Variants in HS3ST4 observed in about 807,000 individuals in gnomAD.
The protein encoded by HS3ST4 is heparan sulfate glucosamine 3-O-sulfotransferase 4.
HS3ST4 carries 17 observed loss-of-function variants against 29.2 expected under a neutral mutation model. That is an observed-to-expected ratio of 0.58 (90% confidence interval 0.40 to 0.87). The LOEUF (loss-of-function observed/expected upper bound fraction) is 0.87. Among genes scored for constraint, HS3ST4 ranks in the 40% least tolerant of loss-of-function variants. The pLI is 0.00. For missense variants in HS3ST4, 627 were observed against 634.5 expected (o/e 0.99, Z 0.13); for synonymous variants, 314 against 285.7 (o/e 1.10, Z -1.00).
chr16:26,101,098 C>A lies in HS3ST4; in HGVS notation c.735-34514C>A, dbSNP rs891036557. 3.0e-4 allele frequency among the ~76,000 whole-genome samples: 46 copies of A among 152,298 alleles called. 1 individual carries two copies. Among genetic ancestry groups the A allele is most frequent in the African/African-American group, 2.6e-4 (11 of 41,578 alleles). The stretch of plus-strand genomic sequence containing the variant: ...CGTTTACTCCAGTTGGTGTCTCCAA[C>A]CTTCTTGCTCCTCTTCACTTTTCTG... On this transcript the variant is annotated intron_variant, in intron 1 of 1. Transcript: ENST00000331351.
At chr16:26,032,539 T>C in intron 1 of HS3ST4, 7 of 1,436,478 alleles carry the variant, frequency 4.9e-6, no homozygotes, top group Non-Finnish European at 6.8e-6. Context: ...TGCACACACT[T>C]CACTTGGCAT....
At chr16:25,823,900 T>G (rs1967189423) in intron 1 of HS3ST4, among the ~76,000 whole-genome samples, 6 of 152,234 alleles carry the variant, frequency 3.9e-5, no homozygotes, top group Admixed American at 3.9e-4. Context: ...TCTTATTTTT[T>G]GCCTTATTTT....
chr16:26,074,619 A>G (rs999398815), intron 1 of HS3ST4, among the ~76,000 whole-genome samples: 1 of 152,084 alleles, frequency 6.6e-6, no homozygotes, highest in African/African-American at 2.4e-5. Flanking sequence ...CCTATAATAC[A>G]TTGTTTATTT....
chr16:25,929,619 G>A lies in HS3ST4; in HGVS notation c.735-205993G>A, dbSNP rs552550624. Among the ~76,000 whole-genome samples, 4 of 152,180 alleles carry A rather than the reference G, an allele frequency of 2.6e-5. No individual in the cohort carries two copies. The South Asian group carries it at 6.2e-4, about 24-fold the overall frequency. ...AGACCACACCTCTAAGGTGATTTGG[G>A]CTCTACTCTGTGGACGCATTTGGAG... On this transcript the variant is annotated intron_variant, in intron 1 of 1. Transcript: ENST00000331351.
rs367602575 is a variant in HS3ST4, at chr16:26,017,470, G to A, written c.735-118142G>A. On this transcript the variant is annotated intron_variant, in intron 1 of 1. Transcript: ENST00000331351. ...AAGCAATGAGCTAGGAAAAAAATTG[G>A]CCAGTTTGCAGTCAGAAATGAAAGA... Among the ~76,000 whole-genome samples, 216 of 152,278 alleles carry A rather than the reference G, an allele frequency of 1.4e-3. 2 individuals carry two copies. Among genetic ancestry groups the A allele is most frequent in the South Asian group, 0.01 (50 of 4,824 alleles).
chr16:26,112,162 A>G (rs1899140410), intron 1 of HS3ST4, among the ~76,000 whole-genome samples: 1 of 152,108 alleles, frequency 6.6e-6, no homozygotes, highest in Non-Finnish European at 1.5e-5. Flanking sequence ...ATGGAAGCTC[A>G]TATGTGAATC....
intron 1 of HS3ST4, among the ~76,000 whole-genome samples, chr16:26,128,638 T>C (rs1899377245): frequency 6.6e-6 from 1 of 152,248 alleles, no homozygotes; most frequent in Admixed American, 6.5e-5. Flanking sequence ...AAAAACACAA[T>C]GAACTTTCCA....
intron 1 of HS3ST4, among the ~76,000 whole-genome samples, chr16:26,031,061 G>T (rs1206858863): frequency 4.6e-5 from 7 of 152,222 alleles, no homozygotes; most frequent in Admixed American, 3.3e-4. Context: ...AGTACCTAGT[G>T]TGGCGATGAG....
At chr16:26,074,784 A>AACTACCATG (rs920458846) in intron 1 of HS3ST4, among the ~76,000 whole-genome samples, 1 of 152,138 alleles carries the variant, frequency 6.6e-6, no homozygotes, top group Admixed American at 6.6e-5. Context: ...GCTTTCCTGT[A>AACTACCATG]ACTACCATGT....
At chr16:25,972,475 C>T (rs1355995045) in intron 1 of HS3ST4, among the ~76,000 whole-genome samples, 2 of 152,168 alleles carry the variant, frequency 1.3e-5, no homozygotes, top group Non-Finnish European at 2.9e-5. Flanking sequence ...TCAAGATTCC[C>T]TTCCTTGTGG....
intron 1 of HS3ST4, among the ~76,000 whole-genome samples, chr16:26,128,057 A>G (rs1410405070): frequency 6.6e-6 from 1 of 151,430 alleles, no homozygotes; most frequent in African/African-American, 2.4e-5. Context: ...AGTCTCCTTC[A>G]TCTTTCATCC....
chr16:25,948,757 A>T (rs931598493), intron 1 of HS3ST4, among the ~76,000 whole-genome samples: 2 of 152,282 alleles, frequency 1.3e-5, no homozygotes, highest in Admixed American at 1.3e-4. Context: ...AGTCATCATC[A>T]TGGTACCTAC....
chr16:26,049,161 T>G (rs1006342260), intron 1 of HS3ST4, among the ~76,000 whole-genome samples: 1 of 152,074 alleles, frequency 6.6e-6, no homozygotes, highest in African/African-American at 2.4e-5. Context: ...CTAAAGGTAG[T>G]CATGTGTTTA....
intron 1 of HS3ST4, among the ~76,000 whole-genome samples, chr16:25,807,607 G>A (rs1368823743): frequency 1.3e-5 from 2 of 152,180 alleles, no homozygotes; most frequent in East Asian, 3.9e-4. Flanking sequence ...AAATAAGGCT[G>A]CTGTGAAACT....
In HS3ST4 at chr16:25,706,459, C is replaced by T. The variant is rs189104607; in HGVS notation, c.734+13308C>T. The stretch of plus-strand genomic sequence containing the variant: ...GAACATGTGCCATGGTGGTTTGCTG[C>T]ACCTATCAACCCGTCATCTAGGTTT... On this transcript the variant is annotated intron_variant, in intron 1 of 1. Transcript: ENST00000331351. Among the ~76,000 whole-genome samples the T allele has an allele frequency of 3.9e-5, 6 of 152,162 alleles. No homozygotes were observed. In the East Asian group the frequency reaches 1.2e-3, roughly 29 times the overall value.
chr16:26,047,539 G>A (rs948991140), intron 1 of HS3ST4, among the ~76,000 whole-genome samples: 3 of 152,168 alleles, frequency 2.0e-5, no homozygotes, highest in Non-Finnish European at 4.4e-5. Context: ...GAAGGATGCT[G>A]TTATCAACCC....
chr16:25,894,539 C>G (rs756345484), intron 1 of HS3ST4, among the ~76,000 whole-genome samples: 1 of 146,312 alleles, frequency 6.8e-6, no homozygotes, highest in Non-Finnish European at 1.5e-5. Flanking sequence ...GAGTTTTGCT[C>G]TTGTCACCCA....
chr16:25,825,236 G>A lies in HS3ST4; in HGVS notation c.734+132085G>A, dbSNP rs372770490. ...GGAAGAGGCAAGTAAGGATCCTCTC[G>A]TGAAACCTTCAGAGTATGACTCTGC... On this transcript the variant is annotated intron_variant, in intron 1 of 1. Coordinates refer to ENST00000331351, the MANE Select transcript of HS3ST4 (RefSeq NM_006040.3). 2.7e-4 allele frequency among the ~76,000 whole-genome samples: 41 copies of A among 152,322 alleles called. No homozygotes were observed. In the South Asian group the frequency reaches 5.2e-3, roughly 19 times the overall value.
At chr16:26,047,119 T>TA in intron 1 of HS3ST4, among the ~76,000 whole-genome samples, 1 of 152,236 alleles carries the variant, frequency 6.6e-6, no homozygotes, top group Admixed American at 6.5e-5. Flanking sequence ...TAGTCCTGCA[T>TA]AAGTGTAGGA....
Sources: allele counts gnomAD v4.1 joint callset (sites outside exome capture counted in the v4.1 genomes callset), GRCh38; gene constraint gnomAD v4.1.1; transcripts MANE v1.5; gene names NCBI Gene and HGNC (gene_info 2026-07-23, HGNC 2026-07-21).